NPIPA8: variants seen among roughly 807,000 people sequenced by gnomAD.
NPIPA8 encodes nuclear pore complex-interacting protein family member A8.
A neutral mutation model predicts 7.1 loss-of-function variants in NPIPA8; 1 was observed. The observed-to-expected ratio is 0.14, with a 90% CI of 0.05 to 0.66. The LOEUF (loss-of-function observed/expected upper bound fraction) is 0.66, where lower values mean the gene tolerates loss of function less well. Among genes scored for constraint, NPIPA8 ranks in the 30% least tolerant of loss-of-function variants. The pLI is 0.84.
upstream of NPIPA8, chr16:18,334,779 T>C: frequency 5.7e-4 from 1 of 1,754 alleles, no homozygotes; most frequent in Admixed American, 1.7e-3. Context: ...AGGTGCACAG[T>C]GTCTGGAGTC....
chr16:18,323,819 G>GAAAAAAAAAAAAAAA (rs1162097124), intron 4 of NPIPA8, among the ~76,000 whole-genome samples: 2 of 33,136 alleles, frequency 6.0e-5, no homozygotes, highest in East Asian at 1.5e-3. Context: ...CCCATCTCAG[G>GAAAAAAAAAAAAAAA]AAAAAAAAAA....
upstream of NPIPA8, among the ~76,000 whole-genome samples, chr16:18,336,221 G>A (rs1488869227): frequency 4.8e-5 from 6 of 124,350 alleles, no homozygotes; most frequent in Non-Finnish European, 8.2e-5. Flanking sequence ...TGAAGTGTTG[G>A]GATTACAGGC....
At chr16:18,335,469 G>A (rs1365299027), upstream of NPIPA8, among the ~76,000 whole-genome samples, 3 of 120,026 alleles carry the variant, frequency 2.5e-5, no homozygotes, top group Admixed American at 1.5e-4. Context: ...CAAAGTGCTG[G>A]GATTACAGGT....
upstream of NPIPA8, among the ~76,000 whole-genome samples, chr16:18,335,994 G>C (rs1900172193): frequency 6.6e-6 from 1 of 151,688 alleles, no homozygotes; most frequent in South Asian, 2.1e-4. Context: ...CTAAGTTTTT[G>C]TATTTGTAGT....
rs1465502802 is a variant in NPIPA8, at chr16:18,324,830, ACAC to A, written c.193-335_193-333del. Among the ~76,000 whole-genome samples the A allele has an allele frequency of 3.0e-4, 27 of 88,542 alleles. 7 individuals are homozygous for A. The highest frequency in any genetic ancestry group is 5.3e-4 in the Non-Finnish European group (23 of 43,454). 58.1% of individuals were successfully genotyped at this position (88,542 alleles called of 152,430 possible). On this transcript the variant is annotated intron_variant, in intron 2 of 7. Coordinates refer to ENST00000541810, the Ensembl canonical transcript of NPIPA8. ...CACACACACACACACACACACACACACACACACACAAAGAATGACATGAGGCTG... is the reference window on the plus strand; with the variant it reads ...CACACACACACACACACACACACACAACACACAAAGAATGACATGAGGCTG...
At chr16:18,323,813 T>G (rs1900050177) in intron 4 of NPIPA8, among the ~76,000 whole-genome samples, 1 of 41,312 alleles carries the variant, frequency 2.4e-5, no homozygotes, top group Non-Finnish European at 4.3e-5. Context: ...CAAAGCCCCA[T>G]CTCAGGAAAA....
upstream of NPIPA8, among the ~76,000 whole-genome samples, chr16:18,336,120 C>T (rs1315989238): frequency 2.6e-3 from 372 of 142,930 alleles, no homozygotes; most frequent in African/African-American, 9.5e-3. Flanking sequence ...CCGTGCCTGG[C>T]CCTTTTTAAT....
At chr16:18,335,709 A>C (rs1404605331), upstream of NPIPA8, among the ~76,000 whole-genome samples, 1 of 121,990 alleles carries the variant, frequency 8.2e-6, no homozygotes, top group Non-Finnish European at 1.7e-5. Context: ...AAGAGTTCCC[A>C]CCTGCTGTAT....
chr16:18,335,422 A>C (rs1446262532), upstream of NPIPA8, among the ~76,000 whole-genome samples: 22 of 103,906 alleles, frequency 2.1e-4, no homozygotes, highest in East Asian at 4.9e-3. Context: ...TGGTCTTGGA[A>C]CTCCTGACCT....
At chr16:18,323,819 GAAAAA>G (rs1162097124) in intron 4 of NPIPA8, among the ~76,000 whole-genome samples, 2,016 of 32,068 alleles carry the variant, frequency 0.063, 39 homozygotes, top group African/African-American at 0.072. Context: ...CCCATCTCAG[GAAAAA>G]AAAAAAAAAA....
Position 18,323,871 on chromosome 16 carries a change from T to C in NPIPA8, c.437+220A>G, listed in dbSNP as rs1226249732. On this transcript the variant is annotated intron_variant, in intron 4 of 7. Transcript: ENST00000541810. Reference sequence around the variant, plus strand: ...AAAGAGAAAGGAAAACCAATGCCAGTACTAGCAACTCCTCTTCCCCTGAAA... The same window carrying C: ...AAAGAGAAAGGAAAACCAATGCCAGCACTAGCAACTCCTCTTCCCCTGAAA... 6.3e-5 allele frequency among the ~76,000 whole-genome samples: 7 copies of C among 110,646 alleles called. No individual in the cohort carries two copies. In the South Asian group the frequency reaches 1.4e-3, roughly 21 times the overall value. 72.6% of individuals were successfully genotyped at this position (110,646 alleles called of 152,430 possible). A position where few individuals can be genotyped will look rare whatever the true frequency, so the allele number is the denominator to read the frequency against.
At chr16:18,324,779 G>C (rs1480662488) in intron 2 of NPIPA8, among the ~76,000 whole-genome samples, 1 of 69,280 alleles carries the variant, frequency 1.4e-5, no homozygotes, top group South Asian at 4.6e-4. Flanking sequence ...ACTCCAGCCT[G>C]AGCGACAGAA....
chr16:18,336,115 C>G (rs1402610520), upstream of NPIPA8, among the ~76,000 whole-genome samples: 3 of 145,508 alleles, frequency 2.1e-5, no homozygotes, highest in Non-Finnish European at 4.5e-5. Flanking sequence ...AGCCACCGTG[C>G]CTGGCCCTTT....
chr16:18,336,099 G>A (rs1900175402), upstream of NPIPA8, among the ~76,000 whole-genome samples: 1 of 148,584 alleles, frequency 6.7e-6, no homozygotes, highest in African/African-American at 2.5e-5. Flanking sequence ...TGGGATTACA[G>A]GCGTGAGCCA....
Position 18,325,237 on chromosome 16 carries a change from T to C in NPIPA8, c.193-739A>G, listed in dbSNP as rs1166792539. Among the ~76,000 whole-genome samples, 50 of 47,470 alleles carry C rather than the reference T, an allele frequency of 1.1e-3. 1 individual carries two copies. The highest frequency in any genetic ancestry group is 4.5e-3 in the African/African-American group (45 of 10,088). 31.1% of individuals were successfully genotyped at this position (47,470 alleles called of 152,430 possible). A position where few individuals can be genotyped will look rare whatever the true frequency, so the allele number is the denominator to read the frequency against. On this transcript the variant is annotated intron_variant, in intron 2 of 7. Coordinates refer to ENST00000541810, the Ensembl canonical transcript of NPIPA8. ...GAATCACAAGGTCAAGAGATGGAGA[T>C]CATCCTGGGCAACATGGTGAAACCC...
intron 4 of NPIPA8, among the ~76,000 whole-genome samples, chr16:18,323,809 C>A (rs1258847704): frequency 1.4e-5 from 1 of 69,312 alleles, no homozygotes. Flanking sequence ...AGAGCAAAGC[C>A]CCATCTCAGG....
chr16:18,335,560 C>T (rs1418538627), upstream of NPIPA8, among the ~76,000 whole-genome samples: 9 of 111,654 alleles, frequency 8.1e-5, no homozygotes, highest in Admixed American at 3.2e-4. Context: ...GTTCCTGCCA[C>T]GGACTCGGGA....
At chr16:18,335,663 C>T (rs1387645438), upstream of NPIPA8, among the ~76,000 whole-genome samples, 1 of 106,500 alleles carries the variant, frequency 9.4e-6, no homozygotes, top group East Asian at 2.4e-4. Context: ...GTGTGCATTC[C>T]TAAGGGGTGC....
At chr16:18,335,487 A>C (rs1900155246), upstream of NPIPA8, among the ~76,000 whole-genome samples, 1 of 121,724 alleles carries the variant, frequency 8.2e-6, no homozygotes, top group Non-Finnish European at 1.7e-5. Context: ...GGTGTGAGCC[A>C]CCACGCCCGG....
Sources: gnomAD v4.1 joint callset for allele counts (sites outside exome capture counted in the v4.1 genomes callset) on GRCh38, gnomAD v4.1.1 for gene constraint, MANE v1.5 for transcripts, NCBI Gene and HGNC (gene_info 2026-07-23, HGNC 2026-07-21) for gene names.